SAXO1: variants seen among roughly 807,000 people sequenced by gnomAD.
SAXO1 encodes the protein 4930500O09Rik.
Under a neutral mutation model 17.5 loss-of-function variants are expected in SAXO1, and 21 were observed. The ratio of observed to expected loss-of-function variants is 1.20; its 90% CI spans 0.85 to 1.72. The LOEUF (loss-of-function observed/expected upper bound fraction) is 1.72. Among genes scored for constraint, SAXO1 ranks in the 40% most tolerant of loss-of-function variants. The pLI, the probability that SAXO1 is intolerant of heterozygous loss-of-function variation, is 0.00. For synonymous variants in SAXO1, 274 were observed against 216.5 expected, an observed-to-expected ratio of 1.27 and a Z score of -2.33; for missense variants, 843 against 596.0, an observed-to-expected ratio of 1.41 and a Z score of -4.32.
chr9:18,938,848 G>GTA (rs1831424911), intron 3 of SAXO1, among the ~76,000 whole-genome samples: 1 of 151,666 alleles, frequency 6.6e-6, no homozygotes, highest in Admixed American at 6.6e-5. Flanking sequence ...GTGTGTGTGT[G>GTA]TGTGTATGTG....
In SAXO1 at chr9:18,999,293, C is replaced by T. The variant is rs115849526; in HGVS notation, c.38+33578G>A. Among the ~76,000 whole-genome samples, 1,421 of 152,278 alleles carry T rather than the reference C, an allele frequency of 9.3e-3. 34 individuals are homozygous for T. Among genetic ancestry groups the T allele is most frequent in the African/African-American group, 0.033 (1,351 of 41,546 alleles). On this transcript the variant is annotated intron_variant, in intron 1 of 3. Transcript: ENST00000380534. ...CTGAGGAGTGCCTCTGCCCAGCGAC[C>T]GCCCTGTCTGGGATGTGAGGAGTGC...
rs529293426 is a variant in SAXO1, at chr9:18,993,598, G to A, written c.38+39273C>T. On this transcript the variant is annotated intron_variant, in intron 1 of 3. Coordinates refer to ENST00000380534, the MANE Select transcript of SAXO1 (RefSeq NM_153707.4). ...CAAGTTACAGTGCACTGAAAACACA[G>A]AGGAGCACAGCTTTTATTTCCATTC... Among the ~76,000 whole-genome samples the A allele has an allele frequency of 6.6e-5, 10 of 152,300 alleles. No individual in the cohort carries two copies. The South Asian group carries it at 2.1e-3, about 32-fold the overall frequency.
upstream of SAXO1, among the ~76,000 whole-genome samples, chr9:19,033,422 C>T (rs1488971056): frequency 6.6e-6 from 1 of 152,240 alleles, no homozygotes; most frequent in Non-Finnish European, 1.5e-5. Flanking sequence ...GCTCCTGGTG[C>T]AGTAAACGGT....
intron 1 of SAXO1, among the ~76,000 whole-genome samples, chr9:18,967,775 C>T (rs553837184): frequency 8.2e-5 from 12 of 146,998 alleles, no homozygotes; most frequent in South Asian, 4.2e-4. Flanking sequence ...ACCAGCGTTC[C>T]GGGCACCATT....
intron 1 of SAXO1, among the ~76,000 whole-genome samples, chr9:19,009,719 C>T (rs532190907): frequency 6.6e-6 from 1 of 152,304 alleles, no homozygotes; most frequent in East Asian, 1.9e-4. Flanking sequence ...CCTGCTTACA[C>T]TCTTTCATTA....
intron 1 of SAXO1, among the ~76,000 whole-genome samples, chr9:19,046,123 T>C (rs1023191738): frequency 8.0e-6 from 1 of 124,340 alleles, no homozygotes; most frequent in Non-Finnish European, 1.8e-5. Flanking sequence ...AAGGAGAACA[T>C]ACAAACAAAA....
In SAXO1 at chr9:18,928,715, G is replaced by A. The variant is rs1563921754; in HGVS notation, c.762C>T (p.Ser254=). 2 of 1,614,174 alleles carry A rather than the reference G, an allele frequency of 1.2e-6. No homozygotes were observed. Among genetic ancestry groups the A allele is most frequent in the Admixed American group, 1.7e-5 (1 of 60,028 alleles). ...YRGLMGEPAK[S]LKPLARPPGL... The stretch of plus-strand genomic sequence containing the variant: ...CAGGAGGCCTGGCTAGAGGTTTCAA[G>A]CTCTTGGCAGGCTCCCCCATCAGGC... Residue 254 remains serine, a synonymous_variant, in exon 4 of 4, where the codon AGC becomes AGT. Coordinates refer to ENST00000380534, the MANE Select transcript of SAXO1 (RefSeq NM_153707.4).
chr9:18,965,507 C>T (rs143576822), intron 1 of SAXO1, among the ~76,000 whole-genome samples: 80 of 151,642 alleles, frequency 5.3e-4, no homozygotes, highest in Admixed American at 1.5e-3. Flanking sequence ...TTATGTAATG[C>T]CATTGTCTTA....
At chr9:19,035,599 G>A (rs1835915805), upstream of SAXO1, among the ~76,000 whole-genome samples, 2 of 152,244 alleles carry the variant, frequency 1.3e-5, no homozygotes, top group South Asian at 4.1e-4. Flanking sequence ...GGGCTCCGAA[G>A]AAGACAGGAA....
In SAXO1 at chr9:18,985,014, A is replaced by T. The variant is rs554416332; in HGVS notation, c.39-34077T>A. On this transcript the variant is annotated intron_variant, in intron 1 of 3. Transcript: ENST00000380534. Reference sequence around the variant, plus strand: ...AATTGCCCTAATTTCAATTATTTGTACTAATTTCAAATATTTGCCCTATTT... The same window carrying T: ...AATTGCCCTAATTTCAATTATTTGTTCTAATTTCAAATATTTGCCCTATTT... 3.4e-4 allele frequency among the ~76,000 whole-genome samples: 51 copies of T among 152,218 alleles called. No individual in the cohort carries two copies. In the South Asian group the frequency reaches 9.7e-3, roughly 29 times the overall value.
chr9:18,976,792 A>C (rs532438792), intron 1 of SAXO1, among the ~76,000 whole-genome samples: 5 of 152,234 alleles, frequency 3.3e-5, no homozygotes, highest in African/African-American at 1.2e-4. Flanking sequence ...AAACAGTCAA[A>C]TGAGTGAAAG....
chr9:19,038,116 G>A (rs545667911), upstream of SAXO1, among the ~76,000 whole-genome samples: 18 of 152,300 alleles, frequency 1.2e-4, no homozygotes, highest in African/African-American at 3.4e-4. Context: ...AACAGGTGCC[G>A]GAGAGGATGT....
chr9:19,039,471 A>C (rs1836023145), intron 1 of SAXO1, among the ~76,000 whole-genome samples: 1 of 152,226 alleles, frequency 6.6e-6, no homozygotes, highest in Non-Finnish European at 1.5e-5. Context: ...TTTTATGTAC[A>C]TCTACTGTAC....
At chr9:18,949,734 A>C (rs1831951513) in intron 2 of SAXO1, among the ~76,000 whole-genome samples, 1 of 152,256 alleles carries the variant, frequency 6.6e-6, no homozygotes, top group Non-Finnish European at 1.5e-5. Flanking sequence ...AGAATGAATT[A>C]GAATGGTTCT....
At chr9:18,967,497 G>A (rs1832766267) in intron 1 of SAXO1, among the ~76,000 whole-genome samples, 1 of 152,212 alleles carries the variant, frequency 6.6e-6, no homozygotes, top group Non-Finnish European at 1.5e-5. Context: ...TTGCCACACT[G>A]TTGGGGGTTC....
chr9:18,993,008 C>A lies in SAXO1; in HGVS notation c.38+39863G>T, dbSNP rs187657072. 8.2e-3 allele frequency among the ~76,000 whole-genome samples: 1,246 copies of A among 152,228 alleles called. 18 individuals are homozygous for A. The highest frequency in any genetic ancestry group is 0.028 in the African/African-American group (1,177 of 41,528). On this transcript the variant is annotated intron_variant, in intron 1 of 3. Coordinates refer to ENST00000380534, the MANE Select transcript of SAXO1 (RefSeq NM_153707.4). Reference sequence around the variant, plus strand: ...AGAGACAGGGTTTCTCCATGTTGGTCAGGCTGGTCTTGAACTCCCAGCCTC... The same window carrying A: ...AGAGACAGGGTTTCTCCATGTTGGTAAGGCTGGTCTTGAACTCCCAGCCTC...
In SAXO1 at chr9:19,000,493, C is replaced by A. The variant is rs555860360; in HGVS notation, c.38+32378G>T. On this transcript the variant is annotated intron_variant, in intron 1 of 3. Coordinates refer to ENST00000380534, the MANE Select transcript of SAXO1 (RefSeq NM_153707.4). The stretch of plus-strand genomic sequence containing the variant: ...GAGGAGTGCCTCTGCCCGCCCACTG[C>A]CCTGTCTGGGAAGTGAGGGGTGCCT... Among the ~76,000 whole-genome samples the A allele has an allele frequency of 8.6e-5, 13 of 151,864 alleles. 1 individual carries two copies. The East Asian group carries it at 2.5e-3, about 30-fold the overall frequency.
intron 3 of SAXO1, among the ~76,000 whole-genome samples, chr9:18,931,057 C>G (rs1312089730): frequency 6.6e-6 from 1 of 152,160 alleles, no homozygotes; most frequent in Non-Finnish European, 1.5e-5. Flanking sequence ...ATAAAAGGTA[C>G]CATCTGAAGT....
At chr9:19,045,498 G>C (rs1429924738) in intron 1 of SAXO1, among the ~76,000 whole-genome samples, 2 of 152,100 alleles carry the variant, frequency 1.3e-5, no homozygotes, top group African/African-American at 2.4e-5. Context: ...GAGACACAGA[G>C]GACTGAAGTA....
Sources: gnomAD v4.1 joint callset for allele counts (sites outside exome capture counted in the v4.1 genomes callset) on GRCh38, gnomAD v4.1.1 for gene constraint, MANE v1.5 for transcripts, NCBI Gene and HGNC (gene_info 2026-07-23, HGNC 2026-07-21) for gene names.